The following TAFA5 variants were observed in gnomAD, a reference collection of about 807,000 sequenced individuals.
TAFA5 encodes the protein chemokine-like protein TAFA-5.
TAFA5 carries 6 observed loss-of-function variants against 15.3 expected under a neutral mutation model. The observed-to-expected ratio is 0.39, with a 90% CI of 0.21 to 0.77. The LOEUF is 0.77. Among genes scored for constraint, TAFA5 ranks in the 30% least tolerant of loss-of-function variants. The pLI is 0.41. For missense variants in TAFA5, 161 were observed against 193.1 expected (o/e 0.83, Z 0.98); for synonymous variants, 103 against 80.7 (o/e 1.28, Z -1.48).
chr22:48,651,181 G>C (rs978822961), intron 2 of TAFA5, among the ~76,000 whole-genome samples: 2 of 152,238 alleles, frequency 1.3e-5, no homozygotes, highest in Non-Finnish European at 2.9e-5. Flanking sequence ...GAGGGTGGTG[G>C]TTTGTGAGCG....
At chr22:48,673,706 C>T (rs16999685) in intron 2 of TAFA5, among the ~76,000 whole-genome samples, 4,615 of 152,144 alleles carry the variant, frequency 0.03, 216 homozygotes, top group African/African-American at 0.1. Context: ...ACCTCAGCCC[C>T]GGGTATGTAG....
At chr22:48,549,607 C>G (rs748397707) in intron 1 of TAFA5, among the ~76,000 whole-genome samples, 1 of 152,212 alleles carries the variant, frequency 6.6e-6, no homozygotes, top group Non-Finnish European at 1.5e-5. Context: ...CAAGGGACCA[C>G]CTGCTCCTGT....
Position 48,691,090 on chromosome 22 carries a change from C to A in TAFA5, c.263-16627C>A, listed in dbSNP as rs116953292. ...GGAAGCACGAAGCCAGTCCCTGAGG[C>A]CGCAGCGGCCGGTGAAGTCCCTCCA... On this transcript the variant is annotated intron_variant, in intron 2 of 3. Transcript: ENST00000402357. Among the ~76,000 whole-genome samples the A allele has an allele frequency of 4.7e-4, 71 of 152,332 alleles. 1 individual carries two copies. The East Asian group carries it at 9.9e-3, about 21-fold the overall frequency.
At chr22:48,517,710 T>C (rs760629652) in intron 1 of TAFA5, among the ~76,000 whole-genome samples, 25 of 122,838 alleles carry the variant, frequency 2.0e-4, no homozygotes, top group Non-Finnish European at 3.4e-4. Flanking sequence ...GGGCCTAGGC[T>C]GGGGCACCGA....
chr22:48,739,324 C>T (rs1601709108), intron 3 of TAFA5, among the ~76,000 whole-genome samples: 1 of 152,164 alleles, frequency 6.6e-6, no homozygotes, highest in African/African-American at 2.4e-5. Flanking sequence ...TGTGTTCTTA[C>T]AGCTTAGCAA....
chr22:48,668,965 T>C (rs1181427445), intron 2 of TAFA5, among the ~76,000 whole-genome samples: 1 of 152,178 alleles, frequency 6.6e-6, no homozygotes, highest in Non-Finnish European at 1.5e-5. Context: ...CCCAGATTCA[T>C]GTGTTGAAAT....
At position 48,490,949 on chromosome 22, in the gene TAFA5, G is replaced by A. The variant is rs1257676698; in HGVS notation, c.112+1245G>A. 6.6e-6 allele frequency among the ~76,000 whole-genome samples: 1 copy of A among 152,166 alleles called. No homozygotes were observed. Among genetic ancestry groups the A allele is most frequent in the African/African-American group, 2.4e-5 (1 of 41,438 alleles). On this transcript the variant is annotated intron_variant, in intron 1 of 3. Coordinates refer to ENST00000402357, the MANE Select transcript of TAFA5 (RefSeq NM_001082967.3). This position sits in a 1 kb window ranked among gnomAD's most constrained non-coding sequence, Gnocchi z 5.8. ...CCGCGGGATCGGCCTCCGGAGTCCTGGGACAGCCCAGCTCGCCAGGATCGC... is the reference window on the plus strand; with the variant it reads ...CCGCGGGATCGGCCTCCGGAGTCCTAGGACAGCCCAGCTCGCCAGGATCGC...
chr22:48,630,116 T>C (rs1367062814), intron 1 of TAFA5, among the ~76,000 whole-genome samples: 1 of 151,466 alleles, frequency 6.6e-6, no homozygotes, highest in African/African-American at 2.4e-5. Flanking sequence ...CTGCGAATTC[T>C]AGATTCTCTA....
intron 3 of TAFA5, among the ~76,000 whole-genome samples, chr22:48,713,362 A>G (rs2065001879): frequency 6.6e-6 from 1 of 152,222 alleles, no homozygotes; most frequent in South Asian, 2.1e-4. Flanking sequence ...TGGTGTAGTC[A>G]GGCCATTCCA....
chr22:48,579,340 C>G (rs1035717333), intron 1 of TAFA5, among the ~76,000 whole-genome samples: 7 of 152,224 alleles, frequency 4.6e-5, no homozygotes, highest in African/African-American at 1.7e-4. Flanking sequence ...GGGGCCTGGG[C>G]AGCTGCTCTT....
chr22:48,577,573 G>A (rs566666181), intron 1 of TAFA5, among the ~76,000 whole-genome samples: 1 of 152,312 alleles, frequency 6.6e-6, no homozygotes, highest in Admixed American at 6.5e-5. Context: ...TAAGGCGCTG[G>A]GTTCTCATTA....
intron 2 of TAFA5, among the ~76,000 whole-genome samples, chr22:48,674,063 C>CCTCACATCTGGACTCCTCTTCGCCCAT (rs1927890537): frequency 6.6e-6 from 1 of 152,140 alleles, no homozygotes; most frequent in Non-Finnish European, 1.5e-5. Flanking sequence ...CCTCTGCCCG[C>CCTCACATCTGGACTCCTCTTCGCCCAT]CTCACATCTG....
intron 1 of TAFA5, among the ~76,000 whole-genome samples, chr22:48,592,221 C>T (rs1924595396): frequency 2.6e-5 from 4 of 152,124 alleles, no homozygotes; most frequent in African/African-American, 7.2e-5. Context: ...AGCCTCCTTT[C>T]TTTCTATGGG....
At chr22:48,522,995 G>GC (rs1921656284) in intron 1 of TAFA5, among the ~76,000 whole-genome samples, 1 of 152,218 alleles carries the variant, frequency 6.6e-6, no homozygotes, top group Non-Finnish European at 1.5e-5. Context: ...GGCAGCTGGA[G>GC]CCCCCCATGG....
At chr22:48,580,774 C>T (rs1276882280) in intron 1 of TAFA5, among the ~76,000 whole-genome samples, 2 of 152,206 alleles carry the variant, frequency 1.3e-5, no homozygotes, top group Non-Finnish European at 2.9e-5. Flanking sequence ...CGCCAGGCTC[C>T]GAGCTTGGAG....
chr22:48,744,635 T>C (rs1426992115), intron 3 of TAFA5, among the ~76,000 whole-genome samples: 1 of 152,220 alleles, frequency 6.6e-6, no homozygotes, highest in Non-Finnish European at 1.5e-5. Context: ...GCTAAACCTG[T>C]GTGCTCTTCC....
chr22:48,601,713 G>T (rs1210388095), intron 1 of TAFA5, among the ~76,000 whole-genome samples: 1 of 152,192 alleles, frequency 6.6e-6, no homozygotes, highest in Non-Finnish European at 1.5e-5. Context: ...CCAGAACCCA[G>T]TTCTCCTCCC....
At chr22:48,711,978 C>T (rs564865708) in intron 3 of TAFA5, among the ~76,000 whole-genome samples, 1 of 152,408 alleles carries the variant, frequency 6.6e-6, no homozygotes, top group South Asian at 2.1e-4. Context: ...GCCTGCGCCT[C>T]TCTGTGTGAC....
At chr22:48,694,561 G>A (rs925817559) in intron 2 of TAFA5, among the ~76,000 whole-genome samples, 3 of 151,854 alleles carry the variant, frequency 2.0e-5, no homozygotes, top group Admixed American at 1.3e-4. Flanking sequence ...CAGGAAGCCC[G>A]GCTGTGTCCG....
Sources: gnomAD v4.1 joint callset for allele counts (sites outside exome capture counted in the v4.1 genomes callset) on GRCh38, gnomAD v4.1.1 for gene constraint, Gnocchi (gnomAD v3.1) non-coding constraint, MANE v1.5 for transcripts, NCBI Gene and HGNC (gene_info 2026-07-23, HGNC 2026-07-21) for gene names.